EYS: variants seen among roughly 807,000 people sequenced by gnomAD.
The protein encoded by EYS is protein eyes shut homolog.
A neutral mutation model predicts 282.1 loss-of-function variants in EYS; 250 were observed. The observed-to-expected ratio is 0.89, with a 90% confidence interval of 0.80 to 0.98. The LOEUF is 0.98. Ranked by LOEUF, EYS falls within the 50% of genes least tolerant of loss-of-function variation. EYS has a pLI of 0.00. For missense variants in EYS, 4,016 were observed against 3,709.0 expected (o/e 1.08, Z -2.15); for synonymous variants, 1,355 against 1,282.9 (o/e 1.06, Z -1.20).
chr6:64,875,227 G>C (rs1766709098), intron 19 of EYS, among the ~76,000 whole-genome samples: 1 of 151,636 alleles, frequency 6.6e-6, no homozygotes, highest in Non-Finnish European at 1.5e-5. Context: ...GCACCAATTT[G>C]TGTGTGTGTG....
At chr6:65,457,053 T>C (rs972495858) in intron 5 of EYS, among the ~76,000 whole-genome samples, 2 of 152,230 alleles carry the variant, frequency 1.3e-5, no homozygotes, top group Admixed American at 6.5e-5. Flanking sequence ...AATAAATCTA[T>C]GCAGATGGAA....
chr6:64,238,245 A>ATCCT (rs1289862543), intron 30 of EYS, among the ~76,000 whole-genome samples: 2 of 152,118 alleles, frequency 1.3e-5, no homozygotes, highest in African/African-American at 2.4e-5. Context: ...TGTTCCCTGC[A>ATCCT]TCCTTGGGTG....
chr6:64,555,562 G>A (rs565339917), intron 26 of EYS, among the ~76,000 whole-genome samples: 1 of 151,838 alleles, frequency 6.6e-6, no homozygotes, highest in African/African-American at 2.4e-5. Context: ...ATTCCACAAT[G>A]TAGAAATATT....
At position 65,114,475 on chromosome 6, in the gene EYS, A is replaced by T. The variant is rs1181840734; in HGVS notation, c.2024-56748T>A. Among the ~76,000 whole-genome samples the T allele has an allele frequency of 7.4e-5, 11 of 147,758 alleles. No individual in the cohort carries two copies. The East Asian group carries it at 1.4e-3, about 18-fold the overall frequency. On this transcript the variant is annotated intron_variant, in intron 12 of 42. Transcript: ENST00000503581. The stretch of plus-strand genomic sequence containing the variant: ...CTTTCCAAACTAATTTTTTTTTTTT[A>T]AATTTCTCCATCTCTAAAGTGATAT...
intron 1 of EYS, among the ~76,000 whole-genome samples, chr6:65,706,817 A>G (rs1418080602): frequency 6.6e-6 from 1 of 152,194 alleles, no homozygotes; most frequent in African/African-American, 2.4e-5. Flanking sequence ...ATCGAAAGCA[A>G]TCATAAGTAC....
intron 5 of EYS, among the ~76,000 whole-genome samples, chr6:65,456,104 G>C (rs1464375215): frequency 2.0e-5 from 3 of 151,720 alleles, no homozygotes; most frequent in Admixed American, 6.6e-5. Flanking sequence ...ATCTCTGAGG[G>C]ACACAGATAC....
At chr6:64,162,477 G>A (rs1224765032) in intron 31 of EYS, among the ~76,000 whole-genome samples, 1 of 152,060 alleles carries the variant, frequency 6.6e-6, no homozygotes, top group African/African-American at 2.4e-5. Context: ...GCTTGAGTAT[G>A]GTGCCCTTTG....
chr6:64,251,724 C>T (rs1246565060), intron 30 of EYS, among the ~76,000 whole-genome samples: 2 of 152,064 alleles, frequency 1.3e-5, no homozygotes, highest in East Asian at 1.9e-4. Context: ...AAATATTCAT[C>T]GTGTGCCTAG....
chr6:64,735,341 C>T (rs1344126134), intron 22 of EYS, among the ~76,000 whole-genome samples: 3 of 152,128 alleles, frequency 2.0e-5, no homozygotes, highest in Admixed American at 1.3e-4. Flanking sequence ...CCTTGGCCTC[C>T]AAGAGTGCTG....
At chr6:63,978,571 C>A (rs1049870500) in intron 35 of EYS, among the ~76,000 whole-genome samples, 1 of 151,874 alleles carries the variant, frequency 6.6e-6, no homozygotes, top group Admixed American at 6.6e-5. Flanking sequence ...GACTGCTGAG[C>A]TAGATTTGGG....
intron 22 of EYS, among the ~76,000 whole-genome samples, chr6:64,787,394 C>T (rs776668572): frequency 1.3e-5 from 2 of 152,010 alleles, no homozygotes; most frequent in Non-Finnish European, 1.5e-5. Context: ...TGACTTATGA[C>T]TTTTGATATT....
intron 11 of EYS, among the ~76,000 whole-genome samples, chr6:65,319,290 G>A (rs1144198): frequency 6.6e-6 from 1 of 150,438 alleles, no homozygotes; most frequent in East Asian, 2.0e-4. Context: ...GGAGGCAGGA[G>A]AATCTCTTTA....
chr6:64,629,566 T>C (rs897164318), intron 22 of EYS, among the ~76,000 whole-genome samples: 23 of 152,178 alleles, frequency 1.5e-4, no homozygotes, highest in African/African-American at 5.3e-4. Flanking sequence ...TTTTATAGTT[T>C]TCTACACAGA....
At chr6:65,653,334 G>GGAC (rs1582566423) in intron 1 of EYS, among the ~76,000 whole-genome samples, 1 of 151,712 alleles carries the variant, frequency 6.6e-6, no homozygotes, top group East Asian at 1.9e-4. Flanking sequence ...TATGTAAGGG[G>GGAC]GACCAAATTA....
intron 16 of EYS, among the ~76,000 whole-genome samples, chr6:64,911,929 C>T (rs1260171552): frequency 6.6e-6 from 1 of 152,122 alleles, no homozygotes; most frequent in Non-Finnish European, 1.5e-5. Flanking sequence ...AATATCCTGG[C>T]TTCAGATACG....
intron 1 of EYS, among the ~76,000 whole-genome samples, chr6:65,652,170 T>C (rs1275177320): frequency 6.6e-6 from 1 of 152,056 alleles, no homozygotes; most frequent in East Asian, 1.9e-4. Context: ...AATCAAAGAA[T>C]TGATTCATGT....
intron 22 of EYS, among the ~76,000 whole-genome samples, chr6:64,628,246 GTTT>G (rs11309731): frequency 3.5e-5 from 5 of 142,162 alleles, no homozygotes; most frequent in Non-Finnish European, 3.1e-5. Flanking sequence ...CCATAGCAGT[GTTT>G]TTTTTTTTTT....
chr6:64,537,114 G>A (rs1215595363), intron 26 of EYS, among the ~76,000 whole-genome samples: 9 of 149,060 alleles, frequency 6.0e-5, no homozygotes, highest in African/African-American at 9.9e-5. Flanking sequence ...CCACTAACTC[G>A]TCATCTAGCA....
At chr6:63,832,157 A>C (rs1338037156) in intron 36 of EYS, among the ~76,000 whole-genome samples, 2 of 152,106 alleles carry the variant, frequency 1.3e-5, no homozygotes, top group Non-Finnish European at 2.9e-5. Context: ...ATTAAAAGAA[A>C]TAGAGAAGTA....
Sources: allele counts gnomAD v4.1 joint callset (sites outside exome capture counted in the v4.1 genomes callset), GRCh38; gene constraint gnomAD v4.1.1; transcripts MANE v1.5; gene names NCBI Gene and HGNC (gene_info 2026-07-23, HGNC 2026-07-21).